The following JAK1 variants were observed in gnomAD, a reference collection of about 807,000 sequenced individuals.
The protein encoded by JAK1 is Janus kinase 1, also known as tyrosine-protein kinase JAK1.
Under a neutral mutation model 136.6 loss-of-function variants are expected in JAK1, and 16 were observed. The observed-to-expected ratio is 0.12, with a 90% CI of 0.08 to 0.18. JAK1 has a LOEUF of 0.18. JAK1 is among the 10% of genes least tolerant of loss of function. JAK1 has a pLI of 1.00. For missense variants in JAK1, 859 were observed against 1,450.1 expected (o/e 0.59, Z 6.62); for synonymous variants, 492 against 519.5 (o/e 0.95, Z 0.72).
intron 2 of JAK1, chr1:64,987,252 C>T (rs1646608780): frequency 6.6e-6 from 1 of 152,212 alleles, no homozygotes; most frequent in African/African-American, 2.4e-5. Flanking sequence ...TATCTATTCA[C>T]TCTACCCTAC....
intron 2 of JAK1, among the ~76,000 whole-genome samples, chr1:65,014,122 A>C (rs559786748): frequency 6.6e-6 from 1 of 152,296 alleles, no homozygotes; most frequent in South Asian, 2.1e-4. Context: ...TGAAGCATAG[A>C]AATTTAAAGA....
Position 64,984,113 on chromosome 1 carries a change from C to T in JAK1, c.-78+60367G>A, listed in dbSNP as rs755659522. On this transcript the variant is annotated intron_variant, in intron 2 of 25. Coordinates refer to the JAK1 transcript ENST00000671954. The surrounding 1 kb of genome is among the most constrained non-coding windows in gnomAD (Gnocchi z 4.1). The stretch of plus-strand genomic sequence containing the variant: ...TTATTTGGCAAAATTACACTTAAAA[C>T]ATAATATTTATGTAATTAAACCAGG... Among the ~76,000 whole-genome samples the T allele has an allele frequency of 1.1e-4, 16 of 152,156 alleles. No individual in the cohort carries two copies. The highest frequency in any genetic ancestry group is 2.1e-4 in the Non-Finnish European group (14 of 68,026).
chr1:65,051,710 A>C (rs1295930882), intron 1 of JAK1, among the ~76,000 whole-genome samples: 1 of 152,202 alleles, frequency 6.6e-6, no homozygotes, highest in African/African-American at 2.4e-5. Flanking sequence ...GTGAAAATAC[A>C]TTTTCTACAG....
intron 1 of JAK1, among the ~76,000 whole-genome samples, chr1:64,958,987 A>T (rs1443619140): frequency 6.6e-6 from 1 of 152,248 alleles, no homozygotes; most frequent in African/African-American, 2.4e-5. Flanking sequence ...AAATACCTAC[A>T]GGTCAGCCTT....
chr1:65,062,305 T>C (rs535368076), intron 1 of JAK1, among the ~76,000 whole-genome samples: 10 of 152,374 alleles, frequency 6.6e-5, no homozygotes, highest in African/African-American at 2.4e-4. Flanking sequence ...CCCCGGATTT[T>C]AGATTTTATG....
At chr1:64,938,896 C>T (rs935314567) in intron 1 of JAK1, among the ~76,000 whole-genome samples, 4 of 152,148 alleles carry the variant, frequency 2.6e-5, no homozygotes, top group Admixed American at 6.5e-5. Context: ...CCTCCCCTGG[C>T]ATTCTTAATG....
At chr1:64,907,841 T>C (rs553534146) in intron 1 of JAK1, among the ~76,000 whole-genome samples, 1 of 152,292 alleles carries the variant, frequency 6.6e-6, no homozygotes, top group South Asian at 2.1e-4. Flanking sequence ...CTCTTTACTA[T>C]CAAGTAATAT....
intron 2 of JAK1, among the ~76,000 whole-genome samples, chr1:65,008,197 G>A (rs898837645): frequency 2.6e-5 from 4 of 152,146 alleles, no homozygotes; most frequent in Non-Finnish European, 4.4e-5. Context: ...TGATCACCCA[G>A]TACGGAAGTG....
At chr1:64,949,908 A>G (rs528489075) in intron 1 of JAK1, among the ~76,000 whole-genome samples, 1 of 152,382 alleles carries the variant, frequency 6.6e-6, no homozygotes, top group Admixed American at 6.5e-5. Flanking sequence ...AGATTACTTA[A>G]GAAAAATAAA....
chr1:64,906,465 C>G (rs1421245765), intron 1 of JAK1, among the ~76,000 whole-genome samples: 2 of 152,134 alleles, frequency 1.3e-5, no homozygotes, highest in Admixed American at 1.3e-4. Context: ...TGCCAGTATT[C>G]ACCATGTTGT....
At chr1:64,926,239 C>A (rs1362320986) in intron 1 of JAK1, among the ~76,000 whole-genome samples, 1 of 152,112 alleles carries the variant, frequency 6.6e-6, no homozygotes, top group Non-Finnish European at 1.5e-5. Flanking sequence ...TGTCTCCAGA[C>A]CCCACTTTCC....
chr1:64,915,986 G>A (rs1312076441), intron 1 of JAK1, among the ~76,000 whole-genome samples: 1 of 152,170 alleles, frequency 6.6e-6, no homozygotes, highest in East Asian at 1.9e-4. Context: ...GTCTTCTGAG[G>A]AATGTGACCA....
intron 1 of JAK1, among the ~76,000 whole-genome samples, chr1:64,913,725 GAGGGAGGGAGGA>G (rs1645340563): frequency 9.5e-6 from 1 of 105,800 alleles, no homozygotes; most frequent in African/African-American, 3.5e-5. Context: ...GGGAGGGAGG[GAGGGAGGGAGGA>G]ATTGAAAGGA....
rs1183218798 is a variant in JAK1 at position 64,928,778 on chromosome 1, C to CAA, written c.-78+37553_-78+37554dup. ...AGGTTCTGAGTGCTATAAAACTCTG[C>CAA]AAAAAAAAAAAAAAAAAACAAAAAA... On this transcript the variant is annotated intron_variant, in intron 1 of 24. Coordinates refer to ENST00000342505, the MANE Select transcript of JAK1 (RefSeq NM_002227.4). Among the ~76,000 whole-genome samples, 73 of 61,088 alleles carry CAA rather than the reference C, an allele frequency of 1.2e-3. 1 individual carries two copies. Among genetic ancestry groups the CAA allele is most frequent in the African/African-American group, 3.9e-3 (68 of 17,508 alleles). 40.1% of individuals were successfully genotyped at this position (61,088 alleles called of 152,430 possible). A position where few individuals can be genotyped will look rare whatever the true frequency, so the allele number is the denominator to read the frequency against.
At chr1:64,851,937 C>T (rs1158743757) in intron 11 of JAK1, among the ~76,000 whole-genome samples, 1 of 152,136 alleles carries the variant, frequency 6.6e-6, no homozygotes, top group Non-Finnish European at 1.5e-5. Flanking sequence ...TGGACTGTAA[C>T]AGAAGGAAGT....
intron 5 of JAK1, among the ~76,000 whole-genome samples, chr1:64,869,828 T>C (rs1570674326): frequency 6.6e-6 from 1 of 152,316 alleles, no homozygotes; most frequent in South Asian, 2.1e-4. Context: ...GGTCTGATCA[T>C]GCATGAATTC....
intron 1 of JAK1, among the ~76,000 whole-genome samples, chr1:64,915,885 G>C (rs1047443581): frequency 6.6e-6 from 1 of 152,142 alleles, no homozygotes; most frequent in Non-Finnish European, 1.5e-5. Context: ...AGTGCTGGGG[G>C]CCAGGATGCT....
At chr1:64,899,901 T>C (rs113273592) in intron 1 of JAK1, among the ~76,000 whole-genome samples, 3 of 152,216 alleles carry the variant, frequency 2.0e-5, no homozygotes, top group Non-Finnish European at 4.4e-5. Context: ...CTATGATGCA[T>C]AGACGCACAC....
At chr1:64,999,749 A>T (rs1472302580) in intron 2 of JAK1, among the ~76,000 whole-genome samples, 1 of 151,796 alleles carries the variant, frequency 6.6e-6, no homozygotes, top group Non-Finnish European at 1.5e-5. Context: ...AAAAAAAAAA[A>T]AAAAAGTCTA....
Sources: allele counts gnomAD v4.1 joint callset (sites outside exome capture counted in the v4.1 genomes callset), GRCh38; gene constraint gnomAD v4.1.1; non-coding constraint Gnocchi (gnomAD v3.1); transcripts MANE v1.5; gene names NCBI Gene and HGNC (gene_info 2026-07-23, HGNC 2026-07-21).